THRA: variants seen among roughly 807,000 people sequenced by gnomAD.
THRA encodes EAR-7.
In THRA, 13 loss-of-function variants were observed where a neutral mutation model predicts 45.0. The ratio of observed to expected loss-of-function variants is 0.29; its 90% CI spans 0.19 to 0.46. The LOEUF (loss-of-function observed/expected upper bound fraction) is 0.46. Ranked by LOEUF, THRA falls within the 20% of genes least tolerant of loss-of-function variation. The probability of loss-of-function intolerance (pLI) is 1.00; values close to 1 mark genes in which losing one functional copy is unlikely to be tolerated. For missense variants in THRA, 278 were observed against 556.1 expected, an observed-to-expected ratio of 0.50 and a Z score of 5.03; for synonymous variants, 195 against 214.0, an observed-to-expected ratio of 0.91 and a Z score of 0.78.
intron 4 of THRA, among the ~76,000 whole-genome samples, chr17:40,081,332 C>A (rs1259054866): frequency 6.6e-6 from 1 of 151,786 alleles, no homozygotes; most frequent in Non-Finnish European, 1.5e-5. Flanking sequence ...CTCACTGCAG[C>A]CTTGACCTCC....
chr17:40,089,172 G>C lies in THRA; in HGVS notation c.983-34G>C. 1 of 1,604,820 alleles carries C rather than the reference G, an allele frequency of 6.2e-7. No individual in the cohort carries two copies. The highest frequency in any genetic ancestry group is 8.5e-7 in the Non-Finnish European group (1 of 1,174,306). On this transcript the variant is annotated intron_variant, in intron 8 of 8. Coordinates refer to ENST00000450525, the MANE Select transcript of THRA (RefSeq NM_199334.5). The surrounding 1 kb of genome is among the most constrained non-coding windows in gnomAD (Gnocchi z 6.1). ...CTCCCCATCTCCAGGCCTTCGGCCA[G>C]CCCCTCGCCCCTCACGCCCCTCTTC...
intron 1 of THRA, among the ~76,000 whole-genome samples, chr17:40,067,958 T>A (rs1986631112): frequency 6.6e-6 from 1 of 152,198 alleles, no homozygotes; most frequent in Admixed American, 6.5e-5. Context: ...AGGTCGAGGC[T>A]GCGGTGAGCT....
In THRA at chr17:40,089,102, C is replaced by CT; in HGVS notation, c.983-103dup. The CT allele has an allele frequency of 8.8e-7, 1 of 1,137,622 alleles. No homozygotes were observed. Among genetic ancestry groups the CT allele is most frequent in the South Asian group, 1.4e-5 (1 of 70,832 alleles). 70.5% of individuals were successfully genotyped at this position (1,137,622 alleles called of 1,614,324 possible). ...CTCCCCTCCCCCAGCCTCTCTGCCT[C>CT]TATCTCCCCTCTAGTCCTTTCTTCC... On this transcript the variant is annotated intron_variant, in intron 8 of 8. Coordinates refer to ENST00000450525, the MANE Select transcript of THRA (RefSeq NM_199334.5). The surrounding 1 kb of genome is among the most constrained non-coding windows in gnomAD (Gnocchi z 6.1).
chr17:40,063,265 T>G (rs1036841482), intron 1 of THRA, among the ~76,000 whole-genome samples, 173 bp downstream of exon 1: 1 of 152,174 alleles, frequency 6.6e-6, no homozygotes, highest in Non-Finnish European at 1.5e-5. Context: ...GCCCGGGAGC[T>G]TGCAACTGAC....
chr17:40,089,721 A>C lies in THRA; in HGVS notation c.*265A>C. 7.6e-7 allele frequency: 1 copy of C among 1,322,560 alleles called. No individual in the cohort carries two copies. The highest frequency in any genetic ancestry group is 9.7e-7 in the Non-Finnish European group (1 of 1,030,158). 81.9% of individuals were successfully genotyped at this position (1,322,560 alleles called of 1,614,324 possible). A position where few individuals can be genotyped will look rare whatever the true frequency, so the allele number is the denominator to read the frequency against. On this transcript the variant is annotated 3_prime_UTR_variant, in exon 9 of 9. Transcript: ENST00000450525. This position sits in a 1 kb window ranked among gnomAD's most constrained non-coding sequence, Gnocchi z 6.1. ...TGTGTCCTGCAGTTCCCAGGACCCC[A>C]TCCTCTCAGAAGGTAGGGGAAGGGC...
In THRA at chr17:40,091,088, G is replaced by A. The variant is rs535422607; in HGVS notation, c.*1632G>A. On this transcript the variant is annotated 3_prime_UTR_variant, in exon 9 of 9. Coordinates refer to ENST00000450525, the MANE Select transcript of THRA (RefSeq NM_199334.5). ...CAGGGATGGATGGGTGGACACAGATGCCCCCGGAAGCCATGGGGATTGGGG... is the reference window on the plus strand; with the variant it reads ...CAGGGATGGATGGGTGGACACAGATACCCCCGGAAGCCATGGGGATTGGGG... 1.5e-5 allele frequency: 2 copies of A among 137,810 alleles called. No individual in the cohort carries two copies. Among genetic ancestry groups the A allele is most frequent in the Admixed American group, 7.2e-5 (1 of 13,968 alleles). 8.5% of individuals were successfully genotyped at this position (137,810 alleles called of 1,614,324 possible).
intron 1 of THRA, among the ~76,000 whole-genome samples, chr17:40,070,214 T>A (rs779537619): frequency 5.9e-4 from 89 of 152,088 alleles, no homozygotes; most frequent in Middle Eastern, 3.4e-3. Context: ...CCTCCTCCCG[T>A]CTCCCCCATG....
chr17:40,089,680 G>T lies in THRA; in HGVS notation c.*224G>T, dbSNP rs772217524. 2.4e-5 allele frequency: 33 copies of T among 1,392,178 alleles called. No homozygotes were observed. The highest frequency in any genetic ancestry group is 3.1e-5 in the Non-Finnish European group (33 of 1,072,142). The allele number at this position is 1,392,178 out of a possible 1,614,324, so 86.2% of individuals were successfully genotyped here. A position where few individuals can be genotyped will look rare whatever the true frequency, so the allele number is the denominator to read the frequency against. ...GAACTTGCTATGGAAAGGACAGTGT[G>T]GGAGGCTGGGGGAGCTGTGTCCTGC... On this transcript the variant is annotated 3_prime_UTR_variant, in exon 9 of 9. Transcript: ENST00000450525. This position sits in a 1 kb window ranked among gnomAD's most constrained non-coding sequence, Gnocchi z 6.1.
At chr17:40,065,309 C>T (rs555475175) in intron 1 of THRA, among the ~76,000 whole-genome samples, 133 of 152,264 alleles carry the variant, frequency 8.7e-4, no homozygotes, top group African/African-American at 3.1e-3. Context: ...TGAGTTCCTG[C>T]GCCCCACCTT....
At chr17:40,065,635 GC>G (rs1027161350) in intron 1 of THRA, among the ~76,000 whole-genome samples, 6 of 152,054 alleles carry the variant, frequency 3.9e-5, no homozygotes, top group African/African-American at 9.7e-5. Flanking sequence ...CCGCCCCTCT[GC>G]CCCCCCTGCG....
chr17:40,079,429 G>C (rs1204789504), intron 4 of THRA, among the ~76,000 whole-genome samples: 1 of 152,108 alleles, frequency 6.6e-6, no homozygotes, highest in Non-Finnish European at 1.5e-5. Context: ...ATTTTTAGTA[G>C]AGATAGGGTT....
At chr17:40,075,844 T>C (rs1031368419) in intron 2 of THRA, among the ~76,000 whole-genome samples, 3 of 152,136 alleles carry the variant, frequency 2.0e-5, no homozygotes, top group South Asian at 2.1e-4. Flanking sequence ...TTCAGCCTCA[T>C]AGGAAGTAGA....
intron 1 of THRA, among the ~76,000 whole-genome samples, chr17:40,068,106 A>G (rs1986637813): frequency 6.6e-6 from 1 of 152,210 alleles, no homozygotes. Flanking sequence ...GGGACTTTGG[A>G]GAACTGTTGT....
intron 7 of THRA, 57 bp from the exon 8 acceptor site, chr17:40,088,185 A>G: frequency 6.5e-7 from 1 of 1,538,898 alleles, no homozygotes; most frequent in South Asian, 1.3e-5. Context: ...TCTAGGGGAG[A>G]CTCAAGGACG....
upstream of THRA, chr17:40,062,688 G>A (rs953525509): frequency 1.3e-5 from 2 of 150,830 alleles, no homozygotes; most frequent in Non-Finnish European, 3.0e-5. Flanking sequence ...TCCTGCGGGA[G>A]CCGCCCGGGC....
At chr17:40,082,932 ATTT>A (rs746083240) in intron 4 of THRA, among the ~76,000 whole-genome samples, 1 of 107,814 alleles carries the variant, frequency 9.3e-6, no homozygotes. Flanking sequence ...CGCCCGGGTA[ATTT>A]TTTTTTTTTT....
Position 40,089,113 on chromosome 17 carries a change from C to G in THRA, c.983-93C>G. On this transcript the variant is annotated intron_variant, in intron 8 of 8. Coordinates refer to ENST00000450525, the MANE Select transcript of THRA (RefSeq NM_199334.5). The surrounding 1 kb of genome is among the most constrained non-coding windows in gnomAD (Gnocchi z 6.1). ...CAGCCTCTCTGCCTCTATCTCCCCT[C>G]TAGTCCTTTCTTCCCACGTCCCCAC... 7.9e-7 allele frequency: 1 copy of G among 1,271,344 alleles called. No homozygotes were observed. The highest frequency in any genetic ancestry group is 1.1e-6 in the Non-Finnish European group (1 of 902,016). The allele number at this position is 1,271,344 out of a possible 1,614,324, so 78.8% of individuals were successfully genotyped here.
intron 1 of THRA, among the ~76,000 whole-genome samples, chr17:40,073,176 G>A (rs1466075789): frequency 6.6e-6 from 1 of 152,170 alleles, no homozygotes; most frequent in Non-Finnish European, 1.5e-5. Context: ...GAGGTCGTAT[G>A]TTGGGGAGCT....
At chr17:40,093,072 G>A (rs200368709), downstream of THRA, 6 of 1,614,136 alleles carry the variant, frequency 3.7e-6, no homozygotes, top group Non-Finnish European at 4.2e-6. This position sits in a 1 kb window ranked among gnomAD's most constrained non-coding sequence, Gnocchi z 5.9. Flanking sequence ...GCAGAAGGCC[G>A]GCCGGGCGGG....
Sources: gnomAD v4.1 joint callset for allele counts (sites outside exome capture counted in the v4.1 genomes callset) on GRCh38, gnomAD v4.1.1 for gene constraint, Gnocchi (gnomAD v3.1) non-coding constraint, MANE v1.5 for transcripts, NCBI Gene and HGNC (gene_info 2026-07-23, HGNC 2026-07-21) for gene names.